Variants in USP39 observed in about 807,000 individuals in gnomAD.
The protein encoded by USP39 is ubiquitin specific peptidase 39, also known as ubiquitin carboxyl-terminal hydrolase 39.
Under a neutral mutation model 66.4 loss-of-function variants are expected in USP39, and 38 were observed. The ratio of observed to expected loss-of-function variants is 0.57; its 90% CI spans 0.44 to 0.75. The LOEUF (loss-of-function observed/expected upper bound fraction) is 0.75. Among genes scored for constraint, USP39 ranks in the 30% least tolerant of loss-of-function variants. The pLI, the probability that USP39 is intolerant of heterozygous loss-of-function variation, is 0.00. For missense variants in USP39, 608 were observed against 714.4 expected, an observed-to-expected ratio of 0.85 and a Z score of 1.70; for synonymous variants, 303 against 274.6, an observed-to-expected ratio of 1.10 and a Z score of -1.02.
At chr2:85,618,514 A>G (rs1674182045) in intron 1 of USP39, among the ~76,000 whole-genome samples, 1 of 149,596 alleles carries the variant, frequency 6.7e-6, no homozygotes, top group Non-Finnish European at 1.5e-5. Flanking sequence ...GTGAGCTGAG[A>G]TCGCGCCATT....
At chr2:85,616,146 CGCTCGAGCGT>C, upstream of USP39, 1 of 1,402,514 alleles carries the variant, frequency 7.1e-7, no homozygotes, top group Non-Finnish European at 9.3e-7. Flanking sequence ...TTGTGCCGCG[CGCTCGAGCGT>C]GCTTGGCGCC....
intron 9 of USP39, 38 bp downstream of exon 9, chr2:85,639,429 C>A (rs1187155110): frequency 2.0e-6 from 3 of 1,527,440 alleles, no homozygotes; most frequent in Non-Finnish European, 1.8e-6. Context: ...TATACTTACC[C>A]TCGCTCTCTC....
At chr2:85,626,720 C>CTT (rs1203062033) in intron 5 of USP39, among the ~76,000 whole-genome samples, 4 of 141,782 alleles carry the variant, frequency 2.8e-5, no homozygotes, top group Non-Finnish European at 4.7e-5. Flanking sequence ...GTCCTATTTT[C>CTT]TTTTTTTTTT....
chr2:85,609,712 C>CAAA, upstream of USP39: 4 of 1,276,412 alleles, frequency 3.1e-6, no homozygotes, highest in South Asian at 1.4e-5. Context: ...GACGAAGTCT[C>CAAA]ACTCTGTCGC....
intron 1 of USP39, among the ~76,000 whole-genome samples, chr2:85,617,242 C>T (rs1004893705): frequency 3.3e-5 from 5 of 152,046 alleles, no homozygotes; most frequent in Admixed American, 1.3e-4. Context: ...GCGTGAGCCA[C>T]CGTGCACGGC....
chr2:85,636,193 C>A, intron 7 of USP39, 63 bp downstream of exon 7: 1 of 1,481,412 alleles, frequency 6.8e-7, no homozygotes, highest in Non-Finnish European at 9.4e-7. Context: ...TGCGGTCGGT[C>A]GCAATGGCTC....
At chr2:85,618,813 A>G (rs1448481005) in intron 1 of USP39, among the ~76,000 whole-genome samples, 1 of 150,952 alleles carries the variant, frequency 6.6e-6, no homozygotes, top group Non-Finnish European at 1.5e-5. Context: ...CTTGTCGCCC[A>G]GGCTGGAGTG....
At chr2:85,641,583 TCAAGAGA>T (rs1400140620) in intron 10 of USP39, among the ~76,000 whole-genome samples, 1 of 152,150 alleles carries the variant, frequency 6.6e-6, no homozygotes, top group Admixed American at 6.6e-5. Context: ...TTTTCAGTTC[TCAAGAGA>T]CAAGGTTTTT....
chr2:85,639,469 T>TTC (rs1676065886), intron 9 of USP39, 78 bp downstream of exon 9: 1 of 1,406,238 alleles, frequency 7.1e-7, no homozygotes, highest in South Asian at 1.4e-5. Flanking sequence ...TTTTTTTTTT[T>TTC]TCAAGACAGA....
upstream of USP39, chr2:85,610,207 G>T (rs910624639): frequency 6.6e-6 from 1 of 151,972 alleles, no homozygotes; most frequent in Non-Finnish European, 1.5e-5. Context: ...TAGAGATGGG[G>T]TTTCACCATG....
rs574584786 is a variant in USP39 at position 85,630,657 on chromosome 2, G to C, written c.724-64G>C. ...AATTCTATTAGGAGAACTTTAATTG[G>C]AAGAGCTTGGCTCAAGGGGTCCTAC... On this transcript the variant is annotated intron_variant, in intron 5 of 12. Transcript: ENST00000323701. 5.4e-6 allele frequency: 8 copies of C among 1,488,410 alleles called. 1 individual carries two copies. In the Admixed American group the frequency reaches 1.5e-4, roughly 27 times the overall value. 92.2% of individuals were successfully genotyped at this position (1,488,410 alleles called of 1,614,324 possible).
At chr2:85,646,117 G>A (rs933179497) in intron 11 of USP39, 2 of 152,152 alleles carry the variant, frequency 1.3e-5, no homozygotes, top group African/African-American at 4.8e-5. Context: ...ATCAGAACCT[G>A]GATTTTAACG....
At chr2:85,606,322 T>C (rs531654872) in intron 1 of USP39, among the ~76,000 whole-genome samples, 7 of 152,342 alleles carry the variant, frequency 4.6e-5, no homozygotes, top group Non-Finnish European at 8.8e-5. Context: ...CTCTGGGAAA[T>C]GCTCTGGAAC....
upstream of USP39, among the ~76,000 whole-genome samples, chr2:85,610,049 C>G (rs1168679331): frequency 4.2e-5 from 6 of 141,434 alleles, no homozygotes; most frequent in South Asian, 9.3e-4. Flanking sequence ...GAGTCTTGCT[C>G]TGTTGCCCAG....
At chr2:85,609,497 G>A (rs199705004), upstream of USP39, 32 of 1,614,220 alleles carry the variant, frequency 2.0e-5, no homozygotes, top group Non-Finnish European at 1.7e-5. Context: ...CAGAAGAGCT[G>A]ATGGCCAGAA....
chr2:85,607,169 G>C (rs1301912583), upstream of USP39: 1 of 152,154 alleles, frequency 6.6e-6, no homozygotes, highest in Non-Finnish European at 1.5e-5. Flanking sequence ...TGCGAAAACA[G>C]ACCTCAAATG....
chr2:85,627,746 A>C (rs1674988032), intron 5 of USP39, among the ~76,000 whole-genome samples: 1 of 151,840 alleles, frequency 6.6e-6, no homozygotes, highest in Admixed American at 6.6e-5. Flanking sequence ...CTGTTGGAGA[A>C]GTTTGAGGAC....
At chr2:85,640,826 C>A in intron 9 of USP39, 150 bp from the exon 10 acceptor site, 1 of 537,806 alleles carries the variant, frequency 1.9e-6, no homozygotes, top group Non-Finnish European at 3.1e-6. Flanking sequence ...ACATCCTAAG[C>A]CTCATACATA....
At chr2:85,610,011 T>C (rs1673405687), upstream of USP39, among the ~76,000 whole-genome samples, 2 of 135,260 alleles carry the variant, frequency 1.5e-5, no homozygotes, top group Admixed American at 1.5e-4. Flanking sequence ...CCAGTGTAAG[T>C]GGTTTTTTTT....
Sources: allele counts gnomAD v4.1 joint callset (sites outside exome capture counted in the v4.1 genomes callset), GRCh38; gene constraint gnomAD v4.1.1; transcripts MANE v1.5; gene names NCBI Gene and HGNC (gene_info 2026-07-23, HGNC 2026-07-21).